PDXDC1: variants seen among roughly 807,000 people sequenced by gnomAD.
PDXDC1 encodes the protein pyridoxal-dependent decarboxylase domain-containing protein 1.
PDXDC1 carries 42 observed loss-of-function variants against 100.1 expected under a neutral mutation model. That is an observed-to-expected ratio of 0.42 (90% CI 0.33 to 0.54). PDXDC1 has a LOEUF of 0.54. PDXDC1 is among the 20% of genes least tolerant of loss of function. PDXDC1 has a pLI of 0.10. For synonymous variants in PDXDC1, 260 were observed against 371.7 expected (o/e 0.70, Z 3.46); for missense variants, 636 against 979.2 (o/e 0.65, Z 4.68).
At chr16:15,094,133 C>A (rs759923851) in intron 16 of PDXDC1, 4 of 1,588,674 alleles carry the variant, frequency 2.5e-6, no homozygotes, top group Admixed American at 3.6e-5. Flanking sequence ...AAGGAAGCGG[C>A]CTGAATCTTA....
chr16:14,999,392 T>C (rs1268540672), intron 3 of PDXDC1, among the ~76,000 whole-genome samples: 4 of 151,636 alleles, frequency 2.6e-5, no homozygotes, highest in Non-Finnish European at 5.9e-5. Context: ...AACCAACAAT[T>C]TAATACAACC....
intron 16 of PDXDC1, chr16:15,076,695 T>C (rs2045470899): frequency 3.0e-6 from 4 of 1,339,618 alleles, no homozygotes; most frequent in Non-Finnish European, 4.3e-6. Context: ...ATTTAAAAAA[T>C]ACAACTATGT....
At chr16:15,027,141 A>G (rs1196711990) in intron 14 of PDXDC1, among the ~76,000 whole-genome samples, 1 of 152,290 alleles carries the variant, frequency 6.6e-6, no homozygotes, top group Non-Finnish European at 1.5e-5. Flanking sequence ...CATACATTCT[A>G]CACAGCCCAT....
rs575531116 is a variant in PDXDC1 at position 15,065,145 on chromosome 16, G to A, written c.1399+35089G>A. Reference sequence around the variant, plus strand: ...CACACCACCGCACTCCAGCCTGGGCGACAGAGTGAGACTCCGTCTCAAAAA... The same window carrying A: ...CACACCACCGCACTCCAGCCTGGGCAACAGAGTGAGACTCCGTCTCAAAAA... On this transcript the variant is annotated intron_variant, in intron 16 of 16. Transcript: ENST00000535621. 4.1e-5 allele frequency: 60 copies of A among 1,469,190 alleles called. No homozygotes were observed. In the Middle Eastern group the frequency reaches 5.4e-4, roughly 13 times the overall value. The allele number at this position is 1,469,190 out of a possible 1,614,324, so 91.0% of individuals were successfully genotyped here.
chr16:15,087,042 G>A (rs2045938212), intron 16 of PDXDC1, among the ~76,000 whole-genome samples: 1 of 152,162 alleles, frequency 6.6e-6, no homozygotes, highest in Non-Finnish European at 1.5e-5. Context: ...TTAGTGACAT[G>A]AGAAGAACTG....
intron 16 of PDXDC1, among the ~76,000 whole-genome samples, chr16:15,066,458 C>T (rs1597883001): frequency 6.6e-6 from 1 of 152,048 alleles, no homozygotes; most frequent in South Asian, 2.1e-4. Context: ...CATGATGAAA[C>T]CCCATCTCTA....
Position 15,034,467 on chromosome 16 carries a change from G to A in PDXDC1, c.1916G>A (p.Arg639Gln), listed in dbSNP as rs887197609. 3 of 1,613,968 alleles carry A rather than the reference G, an allele frequency of 1.9e-6. No homozygotes were observed. The highest frequency in any genetic ancestry group is 1.7e-4 in the Middle Eastern group (1 of 6,046). Residue 639 changes from arginine to glutamine, a missense_variant, in exon 21 of 23, where the codon CGG (arginine) becomes CAG (glutamine). Coordinates refer to ENST00000396410, the MANE Select transcript of PDXDC1 (RefSeq NM_015027.4). ...GGTCCTGTCTTGCAGGGGGTGTTGC[G>A]GCAGATCCCTGTAGTGGGCTCCGTG... The part of the protein sequence containing the change: ...EERLLEEGVL[R>Q]QIPVVGSVLN...
intron 16 of PDXDC1, among the ~76,000 whole-genome samples, chr16:15,064,335 C>T (rs1242841374): frequency 6.6e-6 from 1 of 152,132 alleles, no homozygotes; most frequent in Non-Finnish European, 1.5e-5. Context: ...CCACCACACC[C>T]AGCTAATTTT....
At chr16:15,075,436 G>A (rs1471708399) in intron 16 of PDXDC1, among the ~76,000 whole-genome samples, 2 of 151,778 alleles carry the variant, frequency 1.3e-5, no homozygotes, top group African/African-American at 2.4e-5. Flanking sequence ...AGCTGGGTGC[G>A]GTGGTACACT....
chr16:15,079,981 G>C (rs2045629754), intron 16 of PDXDC1: 2 of 1,573,172 alleles, frequency 1.3e-6, no homozygotes, highest in East Asian at 2.2e-5. Flanking sequence ...AATAAAAATA[G>C]ATTACTCAAT....
chr16:15,109,857 A>T (rs1296720296), intron 16 of PDXDC1, among the ~76,000 whole-genome samples: 2 of 103,778 alleles, frequency 1.9e-5, no homozygotes, highest in Non-Finnish European at 4.2e-5. Context: ...TCAAAATTTA[A>T]AAAAAAAAAA....
intron 16 of PDXDC1, among the ~76,000 whole-genome samples, chr16:15,050,321 C>G (rs1490840680): frequency 6.6e-6 from 1 of 152,194 alleles, no homozygotes; most frequent in Admixed American, 6.5e-5. Context: ...CCTCAAATGT[C>G]TAGACAACGT....
intron 6 of PDXDC1, among the ~76,000 whole-genome samples, chr16:15,007,990 G>A (rs1482035974): frequency 1.3e-5 from 2 of 152,280 alleles, no homozygotes; most frequent in African/African-American, 4.8e-5. Flanking sequence ...TATCTGAAAG[G>A]TTATGTATTA....
chr16:15,085,046 A>G (rs1052684432), intron 16 of PDXDC1, among the ~76,000 whole-genome samples: 9 of 152,226 alleles, frequency 5.9e-5, no homozygotes, highest in African/African-American at 2.2e-4. Flanking sequence ...AGCCTGGGCA[A>G]CAGAGCGAGA....
chr16:14,990,026 G>T (rs1567623651), intron 1 of PDXDC1: 6 of 1,473,820 alleles, frequency 4.1e-6, no homozygotes, highest in Non-Finnish European at 5.4e-6. Context: ...GGTGCAGGCC[G>T]CCCGCCGCCC....
At position 15,075,462 on chromosome 16, in the gene PDXDC1, C is replaced by T. The variant is rs571291282; in HGVS notation, c.1399+45406C>T. On this transcript the variant is annotated intron_variant, in intron 16 of 16. Transcript: ENST00000535621. ...GTGGTACACTGTAGTCCCAGCTACT[C>T]GGGGAGGCTGAGGTGGGCAGATCAC... Among the ~76,000 whole-genome samples the T allele has an allele frequency of 6.6e-5, 10 of 151,488 alleles. No homozygotes were observed. In the South Asian group the frequency reaches 1.9e-3, roughly 29 times the overall value.
chr16:15,014,554 A>T (rs2151478420), intron 8 of PDXDC1, among the ~76,000 whole-genome samples: 1 of 152,388 alleles, frequency 6.6e-6, no homozygotes, highest in African/African-American at 2.4e-5. Flanking sequence ...TGTTTCAGCT[A>T]AACTAAATGT....
chr16:15,114,912 C>A lies in PDXDC1; in HGVS notation c.1400-23967C>A, dbSNP rs1332377764. Among the ~76,000 whole-genome samples, 9 of 116,866 alleles carry A rather than the reference C, an allele frequency of 7.7e-5. No individual in the cohort carries two copies. The East Asian group carries it at 1.8e-3, about 24-fold the overall frequency. The allele number at this position is 116,866 out of a possible 152,430, so 76.7% of individuals were successfully genotyped here. On this transcript the variant is annotated intron_variant, in intron 16 of 16. Transcript: ENST00000535621. ...ACTAACACTAACAATAGCTGATGAT[C>A]TAAAAAAAAAAAAAATTTTTTTTTT...
chr16:15,088,894 T>C (rs2046008979), intron 16 of PDXDC1, among the ~76,000 whole-genome samples: 1 of 152,090 alleles, frequency 6.6e-6, no homozygotes, highest in Non-Finnish European at 1.5e-5. Context: ...AACAACCATG[T>C]GCTTAGAGAG....
Sources: gnomAD v4.1 joint callset for allele counts (sites outside exome capture counted in the v4.1 genomes callset) on GRCh38, gnomAD v4.1.1 for gene constraint, MANE v1.5 for transcripts, NCBI Gene and HGNC (gene_info 2026-07-23, HGNC 2026-07-21) for gene names.